Variants in ANKRD12 observed in about 807,000 individuals in gnomAD.
ANKRD12 encodes ankyrin repeat domain 12, also known as ankyrin repeat domain-containing protein 12.
A neutral mutation model predicts 183.4 loss-of-function variants in ANKRD12; 85 were observed. The observed-to-expected ratio is 0.46, with a 90% confidence interval of 0.39 to 0.56. The LOEUF is 0.56. Among genes scored for constraint, ANKRD12 ranks in the 20% least tolerant of loss-of-function variants. The pLI, the probability that ANKRD12 is intolerant of heterozygous loss-of-function variation, is 0.00. For missense variants in ANKRD12, 2,405 were observed against 2,357.1 expected, an observed-to-expected ratio of 1.02 and a Z score of -0.42; for synonymous variants, 914 against 800.2, an observed-to-expected ratio of 1.14 and a Z score of -2.40.
At chr18:9,171,354 G>A (rs764038878) in intron 1 of ANKRD12, among the ~76,000 whole-genome samples, 3 of 152,288 alleles carry the variant, frequency 2.0e-5, no homozygotes, top group South Asian at 2.1e-4. Context: ...TGAAGACAGC[G>A]TACTGATGGG....
intron 1 of ANKRD12, among the ~76,000 whole-genome samples, chr18:9,175,951 C>CT (rs1268094862): frequency 1.3e-5 from 2 of 152,194 alleles, no homozygotes; most frequent in African/African-American, 4.8e-5. Context: ...AAAAAAAACT[C>CT]TTTGTTTCCT....
intron 1 of ANKRD12, chr18:9,137,612 G>A (rs1568205327): frequency 6.6e-6 from 1 of 151,918 alleles, no homozygotes; most frequent in East Asian, 1.9e-4. Flanking sequence ...TGGGAGAGGT[G>A]GATGAAATCA....
At chr18:9,217,086 C>A (rs562845461) in intron 7 of ANKRD12, among the ~76,000 whole-genome samples, 186 bp downstream of exon 7, 27 of 152,224 alleles carry the variant, frequency 1.8e-4, no homozygotes, top group African/African-American at 6.0e-4. Context: ...TTAGCATTTT[C>A]TTTTCATAAA....
intron 2 of ANKRD12, among the ~76,000 whole-genome samples, chr18:9,193,172 C>CTGTT (rs1354035620): frequency 1.4e-5 from 2 of 141,706 alleles, no homozygotes; most frequent in Non-Finnish European, 3.0e-5. Context: ...GGATCTCACT[C>CTGTT]TGTTGTCCAG....
At chr18:9,159,866 A>G (rs1568234112) in intron 1 of ANKRD12, among the ~76,000 whole-genome samples, 1 of 150,842 alleles carries the variant, frequency 6.6e-6, no homozygotes. Flanking sequence ...GTACAATGTC[A>G]TGACCATAGC....
intron 1 of ANKRD12, among the ~76,000 whole-genome samples, chr18:9,154,435 A>T (rs1158998516): frequency 5.9e-5 from 9 of 152,092 alleles, no homozygotes; most frequent in African/African-American, 1.4e-4. Flanking sequence ...ATGAATGATT[A>T]CTCCAAGTCA....
In ANKRD12 at chr18:9,216,933, A is replaced by G. The variant is rs747077016; in HGVS notation, c.795+33A>G. 4 of 1,597,680 alleles carry G rather than the reference A, an allele frequency of 2.5e-6. No homozygotes were observed. The South Asian group carries it at 3.4e-5, about 13-fold the overall frequency. The stretch of plus-strand genomic sequence containing the variant: ...TGATAGAAAAAAATCAATAATACAC[A>G]TTTGCAAAATATAAATTCAACCCAA... On this transcript the variant is annotated intron_variant, in intron 7 of 12. Transcript: ENST00000262126.
At chr18:9,137,517 C>T (rs1411014775) in intron 1 of ANKRD12, 2 of 147,684 alleles carry the variant, frequency 1.4e-5, no homozygotes, top group African/African-American at 4.9e-5. Context: ...GCCGCGCGTT[C>T]CCGCCGCCAG....
At chr18:9,140,952 AGAGTTATGT>A (rs1448917121) in intron 1 of ANKRD12, among the ~76,000 whole-genome samples, 1 of 152,200 alleles carries the variant, frequency 6.6e-6, no homozygotes, top group Non-Finnish European at 1.5e-5. Flanking sequence ...GAGGCTGTGA[AGAGTTATGT>A]GATGGATAGA....
intron 5 of ANKRD12, among the ~76,000 whole-genome samples, chr18:9,209,477 C>T (rs1192048712): frequency 6.6e-6 from 1 of 152,110 alleles, no homozygotes; most frequent in Non-Finnish European, 1.5e-5. Flanking sequence ...TGTTGAAATG[C>T]ATTGAAAAAG....
Position 9,257,689 on chromosome 18 carries a change from A to G in ANKRD12, c.4422A>G (p.Pro1474=). 6.2e-7 allele frequency: 1 copy of G among 1,614,072 alleles called. No homozygotes were observed. Among genetic ancestry groups the G allele is most frequent in the South Asian group, 1.1e-5 (1 of 91,076 alleles). ...DFLSLRQTEL[P]GNSCAQDPAS... is the part of the protein sequence containing the mutation. ...TATCCCTGCGCCAGACTGAACTGCC[A>G]GGAAACTCTTGTGCTCAGGATCCGG... Residue 1474 remains proline, a synonymous_variant, in exon 9 of 13, where the codon CCA becomes CCG. Coordinates refer to ENST00000262126, the MANE Select transcript of ANKRD12 (RefSeq NM_015208.5).
At chr18:9,214,859 A>C (rs2144673765) in intron 6 of ANKRD12, among the ~76,000 whole-genome samples, 1 of 152,250 alleles carries the variant, frequency 6.6e-6, no homozygotes, top group Non-Finnish European at 1.5e-5. Context: ...CTTTTATCTC[A>C]TGCAGCTTTT....
chr18:9,210,191 A>G (rs1429147415), intron 5 of ANKRD12, among the ~76,000 whole-genome samples: 1 of 152,136 alleles, frequency 6.6e-6, no homozygotes, highest in African/African-American at 2.4e-5. Context: ...TTTATTCATT[A>G]GATAAGTCTT....
chr18:9,178,528 C>T (rs1751478883), intron 1 of ANKRD12, among the ~76,000 whole-genome samples: 1 of 151,964 alleles, frequency 6.6e-6, no homozygotes. Context: ...CATTAGTAAA[C>T]ACTGTCTTGC....
At chr18:9,188,837 A>T (rs903243295) in intron 2 of ANKRD12, among the ~76,000 whole-genome samples, 1 of 152,224 alleles carries the variant, frequency 6.6e-6, no homozygotes, top group Non-Finnish European at 1.5e-5. Flanking sequence ...TATGTGTTCT[A>T]CTGCTCCACT....
intron 8 of ANKRD12, among the ~76,000 whole-genome samples, chr18:9,242,707 AAGAC>A (rs2037734142): frequency 6.6e-6 from 1 of 152,186 alleles, no homozygotes; most frequent in African/African-American, 2.4e-5. Context: ...ATTTAGTAGA[AAGAC>A]GTATGATTGA....
intron 1 of ANKRD12, among the ~76,000 whole-genome samples, chr18:9,158,112 C>G (rs1278862545): frequency 6.6e-6 from 1 of 151,946 alleles, no homozygotes; most frequent in Non-Finnish European, 1.5e-5. Flanking sequence ...ACCTGAGAAA[C>G]TTTTTAAAAT....
chr18:9,167,564 TTTTG>T (rs1467709836), intron 1 of ANKRD12, among the ~76,000 whole-genome samples: 1 of 152,240 alleles, frequency 6.6e-6, no homozygotes, highest in East Asian at 1.9e-4. Context: ...TGTACATTGA[TTTTG>T]TATCCTGAGA....
chr18:9,154,661 G>A (rs928228721), intron 1 of ANKRD12, among the ~76,000 whole-genome samples: 1 of 152,166 alleles, frequency 6.6e-6, no homozygotes, highest in African/African-American at 2.4e-5. Flanking sequence ...TATTTGGGAA[G>A]TGTTTGCAAT....
Sources: allele counts gnomAD v4.1 joint callset (sites outside exome capture counted in the v4.1 genomes callset), GRCh38; gene constraint gnomAD v4.1.1; transcripts MANE v1.5; gene names NCBI Gene and HGNC (gene_info 2026-07-23, HGNC 2026-07-21).